MCTP1: variants seen among roughly 807,000 people sequenced by gnomAD.
MCTP1 encodes multiple C2 and transmembrane domain containing 1.
A neutral mutation model predicts 120.6 loss-of-function variants in MCTP1; 69 were observed. The observed-to-expected ratio is 0.57, with a 90% CI of 0.47 to 0.70. The LOEUF (loss-of-function observed/expected upper bound fraction) is 0.70, where lower values mean the gene tolerates loss of function less well. Ranked by LOEUF, MCTP1 falls within the 30% of genes least tolerant of loss-of-function variation. MCTP1 has a pLI of 0.00. For synonymous variants in MCTP1, 529 were observed against 493.1 expected (o/e 1.07, Z -0.96); for missense variants, 1,203 against 1,248.8 (o/e 0.96, Z 0.55).
At chr5:94,742,875 C>T (rs73150174) in intron 19 of MCTP1, among the ~76,000 whole-genome samples, 12,422 of 152,020 alleles carry the variant, frequency 0.082, 575 homozygotes, top group South Asian at 0.12. Flanking sequence ...GTATTGAAAA[C>T]CTATTATCTG....
At chr5:94,831,290 T>A (rs1788464649) in intron 17 of MCTP1, among the ~76,000 whole-genome samples, 1 of 152,226 alleles carries the variant, frequency 6.6e-6, no homozygotes, top group Non-Finnish European at 1.5e-5. Context: ...TCAAGGCTAT[T>A]CCTGAAAAGG....
intron 1 of MCTP1, among the ~76,000 whole-genome samples, chr5:95,279,542 G>C (rs1030067210): frequency 6.6e-6 from 1 of 152,128 alleles, no homozygotes; most frequent in African/African-American, 2.4e-5. Flanking sequence ...ATTTGTAATA[G>C]CAGCAATTGC....
chr5:95,115,178 G>A (rs1197810635), intron 1 of MCTP1, among the ~76,000 whole-genome samples: 1 of 152,088 alleles, frequency 6.6e-6, no homozygotes, highest in Non-Finnish European at 1.5e-5. Flanking sequence ...AGCCTAGACT[G>A]TGAAGACTAT....
intron 20 of MCTP1, among the ~76,000 whole-genome samples, chr5:94,711,543 T>C (rs1660611071): frequency 6.6e-6 from 1 of 152,142 alleles, no homozygotes; most frequent in Non-Finnish European, 1.5e-5. Flanking sequence ...CAGAAGTACA[T>C]AGATAATTAA....
At chr5:95,168,390 G>T (rs1241719696) in intron 1 of MCTP1, among the ~76,000 whole-genome samples, 2 of 152,152 alleles carry the variant, frequency 1.3e-5, no homozygotes, top group Non-Finnish European at 2.9e-5. Flanking sequence ...CTCTTTTTTG[G>T]TTCCATATGA....
intron 1 of MCTP1, among the ~76,000 whole-genome samples, chr5:95,165,514 A>G (rs1746222957): frequency 6.6e-6 from 1 of 152,232 alleles, no homozygotes; most frequent in Non-Finnish European, 1.5e-5. Context: ...ACAAGTTAAT[A>G]GGTGTGAATT....
intron 1 of MCTP1, among the ~76,000 whole-genome samples, chr5:95,133,031 G>T (rs928182518): frequency 3.3e-5 from 5 of 152,118 alleles, no homozygotes; most frequent in African/African-American, 1.2e-4. Context: ...TTAACCTGAA[G>T]AACTCATAAA....
chr5:95,119,609 G>A lies in MCTP1; in HGVS notation c.721-102125C>T, dbSNP rs547131503. Among the ~76,000 whole-genome samples the A allele has an allele frequency of 7.2e-5, 11 of 152,000 alleles. No homozygotes were observed. The South Asian group carries it at 1.7e-3, about 23-fold the overall frequency. The stretch of plus-strand genomic sequence containing the variant: ...AAAGTTGGTTTTTTGAAAAGATAAA[G>A]AAAATGGACAAACTTTTAGCCAGGC... On this transcript the variant is annotated intron_variant, in intron 1 of 22. Transcript: ENST00000515393.
intron 1 of MCTP1, among the ~76,000 whole-genome samples, chr5:95,167,374 T>C (rs1247530988): frequency 6.6e-6 from 1 of 152,232 alleles, no homozygotes; most frequent in Non-Finnish European, 1.5e-5. Context: ...AACATACATG[T>C]GCACATGTCT....
intron 1 of MCTP1, among the ~76,000 whole-genome samples, chr5:95,183,423 T>C (rs1314646749): frequency 6.6e-6 from 1 of 151,498 alleles, no homozygotes; most frequent in Non-Finnish European, 1.5e-5. Context: ...AATTAAAAAT[T>C]TATTAATGAG....
chr5:95,100,098 G>A (rs185434938), intron 1 of MCTP1, among the ~76,000 whole-genome samples: 6,195 of 139,134 alleles, frequency 0.045, 135 homozygotes, highest in Middle Eastern at 0.085. Flanking sequence ...ACAGGAAGGG[G>A]AACATCACAC....
chr5:94,929,524 T>C, intron 6 of MCTP1: 5 of 546,050 alleles, frequency 9.2e-6, no homozygotes, highest in Non-Finnish European at 1.2e-5. Context: ...AAATCTGTAC[T>C]CAGACAAGAA....
chr5:94,987,602 G>T (rs1279367727), intron 2 of MCTP1, among the ~76,000 whole-genome samples: 2 of 152,090 alleles, frequency 1.3e-5, no homozygotes, highest in Non-Finnish European at 2.9e-5. Flanking sequence ...AATACTTCAT[G>T]GGTAAAAGAG....
chr5:94,800,103 T>C (rs976784550), intron 17 of MCTP1, among the ~76,000 whole-genome samples: 2 of 152,160 alleles, frequency 1.3e-5, no homozygotes, highest in Non-Finnish European at 2.9e-5. Flanking sequence ...TCTTCCCCAG[T>C]AAAATGGGGA....
chr5:95,129,943 G>A (rs1011163550), intron 1 of MCTP1, among the ~76,000 whole-genome samples: 15 of 151,880 alleles, frequency 9.9e-5, no homozygotes, highest in Non-Finnish European at 5.9e-5. Flanking sequence ...TTACTGGCAT[G>A]AGCCACCCTG....
chr5:94,870,121 T>A (rs1041037142), intron 16 of MCTP1, among the ~76,000 whole-genome samples: 37 of 152,132 alleles, frequency 2.4e-4, no homozygotes, highest in African/African-American at 6.8e-4. Context: ...AAATGATCAT[T>A]CTTTTGCTAA....
chr5:94,990,187 G>A (rs380413), intron 2 of MCTP1, among the ~76,000 whole-genome samples: 108,008 of 152,052 alleles, frequency 0.71, 38,893 homozygotes, highest in Admixed American at 0.81. Flanking sequence ...CATGGGCTGT[G>A]TTAACACTGG....
At chr5:95,181,842 C>G (rs879891794) in intron 1 of MCTP1, among the ~76,000 whole-genome samples, 1 of 152,154 alleles carries the variant, frequency 6.6e-6, no homozygotes, top group Non-Finnish European at 1.5e-5. Flanking sequence ...TTGCATCACT[C>G]CTTTCACCAT....
intron 2 of MCTP1, among the ~76,000 whole-genome samples, chr5:94,957,125 G>T (rs1207663561): frequency 6.6e-6 from 1 of 152,154 alleles, no homozygotes; most frequent in African/African-American, 2.4e-5. Context: ...CATTCTTAAA[G>T]AAAGGAATTT....
Sources: allele counts gnomAD v4.1 joint callset (sites outside exome capture counted in the v4.1 genomes callset), GRCh38; gene constraint gnomAD v4.1.1; transcripts MANE v1.5; gene names NCBI Gene and HGNC (gene_info 2026-07-23, HGNC 2026-07-21).